Variants in FARS2 observed in about 807,000 individuals in gnomAD.
The protein encoded by FARS2 is phenylalanine--tRNA ligase, mitochondrial.
In FARS2, 40 loss-of-function variants were observed where a neutral mutation model predicts 46.4. The ratio of observed to expected loss-of-function variants is 0.86; its 90% CI spans 0.67 to 1.12. The LOEUF (loss-of-function observed/expected upper bound fraction) is 1.12, where lower values mean the gene tolerates loss of function less well. Ranked by LOEUF, FARS2 falls within the 50% of genes most tolerant of loss-of-function variation. The probability of loss-of-function intolerance (pLI) is 0.00; values close to 1 mark genes in which losing one functional copy is unlikely to be tolerated. For missense variants in FARS2, 513 were observed against 567.9 expected, an observed-to-expected ratio of 0.90 and a Z score of 0.98; for synonymous variants, 234 against 214.9, an observed-to-expected ratio of 1.09 and a Z score of -0.78.
intron 2 of FARS2, among the ~76,000 whole-genome samples, chr6:5,395,192 A>G (rs1487951076): frequency 6.6e-6 from 1 of 152,090 alleles, no homozygotes; most frequent in Non-Finnish European, 1.5e-5. Flanking sequence ...CTGGGATTAC[A>G]GGCATGCACC....
chr6:5,615,642 A>C (rs1209353762), intron 6 of FARS2, among the ~76,000 whole-genome samples: 1 of 151,844 alleles, frequency 6.6e-6, no homozygotes, highest in African/African-American at 2.4e-5. Flanking sequence ...TTTTCCCTCA[A>C]TTCTTTTTTA....
At chr6:5,326,323 T>G (rs1175142125) in intron 1 of FARS2, among the ~76,000 whole-genome samples, 1 of 152,230 alleles carries the variant, frequency 6.6e-6, no homozygotes, top group Non-Finnish European at 1.5e-5. Context: ...TCTTCTGTTC[T>G]GAGTAGAACA....
chr6:5,629,822 C>T (rs1582626794), intron 6 of FARS2, among the ~76,000 whole-genome samples: 1 of 152,092 alleles, frequency 6.6e-6, no homozygotes, highest in South Asian at 2.1e-4. Flanking sequence ...AAAAAAAAGA[C>T]AGGAGCTCAA....
Position 5,427,651 on chromosome 6 carries a change from G to A in FARS2, c.773-3390G>A, listed in dbSNP as rs192447152. ...TAGATTCTGCTCCATTAAATCGTTCGTGTTTATCATCTTGGTGGATTCTGA... is the reference window on the plus strand; with the variant it reads ...TAGATTCTGCTCCATTAAATCGTTCATGTTTATCATCTTGGTGGATTCTGA... On this transcript the variant is annotated intron_variant, in intron 3 of 6. Transcript: ENST00000274680. Among the ~76,000 whole-genome samples the A allele has an allele frequency of 5.3e-5, 8 of 152,162 alleles. No homozygotes were observed. In the East Asian group the frequency reaches 9.7e-4, roughly 18 times the overall value.
upstream of FARS2, among the ~76,000 whole-genome samples, chr6:5,260,348 C>G (rs1283810605): frequency 1.3e-5 from 2 of 152,178 alleles, no homozygotes; most frequent in Non-Finnish European, 2.9e-5. Context: ...CCTTTTTTCT[C>G]TTCTGCAGAA....
At chr6:5,429,278 G>A (rs898541618) in intron 3 of FARS2, among the ~76,000 whole-genome samples, 1 of 152,004 alleles carries the variant, frequency 6.6e-6, no homozygotes, top group Admixed American at 6.6e-5. Context: ...AATAAGAGGG[G>A]GAAATATTGT....
At chr6:5,251,197 G>T in the FARS2 span, among the ~76,000 whole-genome samples, 2 of 152,188 alleles carry the variant, frequency 1.3e-5, no homozygotes, top group Non-Finnish European at 2.9e-5. Flanking sequence ...CACACTGTGA[G>T]TTTTCAAGAA....
At chr6:5,287,499 T>C (rs1158114002) in intron 1 of FARS2, among the ~76,000 whole-genome samples, 1 of 152,162 alleles carries the variant, frequency 6.6e-6, no homozygotes, top group African/African-American at 2.4e-5. Flanking sequence ...CTGTTTCCTC[T>C]TGCTCTCCCG....
chr6:5,510,254 T>A (rs1190276537), intron 4 of FARS2, among the ~76,000 whole-genome samples: 1 of 152,214 alleles, frequency 6.6e-6, no homozygotes, highest in Non-Finnish European at 1.5e-5. Context: ...TTATTTTTCC[T>A]CAGGGGTGGC....
chr6:5,750,719 G>C (rs1405911216), intron 6 of FARS2, among the ~76,000 whole-genome samples: 4 of 152,104 alleles, frequency 2.6e-5, no homozygotes, highest in Non-Finnish European at 5.9e-5. Context: ...AATGCAGGAG[G>C]CGGGGGAGTT....
chr6:5,486,302 G>C (rs752213095), intron 4 of FARS2, among the ~76,000 whole-genome samples: 2 of 152,164 alleles, frequency 1.3e-5, no homozygotes, highest in Non-Finnish European at 2.9e-5. Flanking sequence ...TGAGGTTTTG[G>C]TTTTAGTCTC....
At chr6:5,597,781 C>T (rs1774282225) in intron 5 of FARS2, among the ~76,000 whole-genome samples, 1 of 152,120 alleles carries the variant, frequency 6.6e-6, no homozygotes, top group African/African-American at 2.4e-5. Context: ...TATAGAAAAG[C>T]CAATTTTTAA....
intron 1 of FARS2, among the ~76,000 whole-genome samples, chr6:5,363,974 T>A (rs1382443736): frequency 6.6e-6 from 1 of 152,238 alleles, no homozygotes; most frequent in Non-Finnish European, 1.5e-5. Flanking sequence ...CGAATTGCCT[T>A]ACAGAAATTG....
intron 6 of FARS2, among the ~76,000 whole-genome samples, chr6:5,620,260 C>A (rs780418337): frequency 6.6e-6 from 1 of 152,062 alleles, no homozygotes; most frequent in Non-Finnish European, 1.5e-5. Context: ...TCCAGTGCCC[C>A]CTTGGTAGGC....
chr6:5,658,886 A>G (rs993496285), intron 6 of FARS2, among the ~76,000 whole-genome samples: 1 of 152,182 alleles, frequency 6.6e-6, no homozygotes, highest in Non-Finnish European at 1.5e-5. Flanking sequence ...CTCGTATCCA[A>G]TTTCAAGTTC....
At chr6:5,435,899 C>T (rs1352213443) in intron 4 of FARS2, among the ~76,000 whole-genome samples, 3 of 152,182 alleles carry the variant, frequency 2.0e-5, no homozygotes, top group African/African-American at 4.8e-5. Flanking sequence ...AAAATCGGCT[C>T]TTTGGGGAAA....
At chr6:5,266,005 T>A (rs1053805682) in intron 1 of FARS2, among the ~76,000 whole-genome samples, 2 of 152,154 alleles carry the variant, frequency 1.3e-5, no homozygotes, top group African/African-American at 4.8e-5. Flanking sequence ...ATTAGGGGGC[T>A]TCATGGAGGA....
chr6:5,675,063 A>AT (rs113671598), intron 6 of FARS2, among the ~76,000 whole-genome samples: 44 of 152,290 alleles, frequency 2.9e-4, no homozygotes, highest in African/African-American at 9.9e-4. Context: ...TTTAATCTGC[A>AT]TTTTTTGGGG....
chr6:5,746,175 T>C (rs1242316939), intron 6 of FARS2, among the ~76,000 whole-genome samples: 1 of 152,140 alleles, frequency 6.6e-6, no homozygotes, highest in Non-Finnish European at 1.5e-5. Context: ...TAATTATCCT[T>C]TTACACTGCT....
Sources: allele counts gnomAD v4.1 joint callset (sites outside exome capture counted in the v4.1 genomes callset), GRCh38; gene constraint gnomAD v4.1.1; transcripts MANE v1.5; gene names NCBI Gene and HGNC (gene_info 2026-07-23, HGNC 2026-07-21).